WDR24: variants seen among roughly 807,000 people sequenced by gnomAD.
WDR24 encodes WD repeat domain 24.
WDR24 carries 32 observed loss-of-function variants against 66.7 expected under a neutral mutation model. The ratio of observed to expected loss-of-function variants is 0.48; its 90% confidence interval spans 0.36 to 0.64. The LOEUF (loss-of-function observed/expected upper bound fraction) is 0.64. Ranked by LOEUF, WDR24 falls within the 30% of genes least tolerant of loss-of-function variation. The pLI, the probability that WDR24 is intolerant of heterozygous loss-of-function variation, is 0.00. For missense variants in WDR24, 978 were observed against 1,144.1 expected (o/e 0.85, Z 2.09); for synonymous variants, 565 against 469.1 (o/e 1.20, Z -2.64).
In WDR24 at chr16:690,175, C is replaced by A; in HGVS notation, c.-535G>T. ...ACGCGGGAAGGGCCCAGAGGGACGT[C>A]AAGGACCGAGCTACTTAAGGAGCTC... On this transcript the variant is annotated 5_prime_UTR_variant, in exon 1 of 9. Coordinates refer to ENST00000293883, the MANE Select transcript of WDR24 (RefSeq NM_032259.4). The A allele has an allele frequency of 2.5e-6, 1 of 404,602 alleles. No homozygotes were observed. The highest frequency in any genetic ancestry group is 4.9e-6 in the Non-Finnish European group (1 of 203,196). The allele number at this position is 404,602 out of a possible 1,614,324, so 25.1% of individuals were successfully genotyped here.
At position 686,996 on chromosome 16, in the gene WDR24, C is replaced by G; in HGVS notation, c.1080G>C (p.Val360=). 1 of 1,601,172 alleles carries G rather than the reference C, an allele frequency of 6.2e-7. No homozygotes were observed. Among genetic ancestry groups the G allele is most frequent in the South Asian group, 1.1e-5 (1 of 90,414 alleles). ...AGGGCTTGCGCCCCGACTCGGCAGCCACGAGGCTCTCCTTGGCGGCGAAGG... is the reference window on the plus strand; with the variant it reads ...AGGGCTTGCGCCCCGACTCGGCAGCGACGAGGCTCTCCTTGGCGGCGAAGG... ...DLAFAAKESL[V]AAESGRKPYT... Residue 360 remains valine, a synonymous_variant, in exon 3 of 9, where the codon GTG becomes GTC. Transcript: ENST00000293883.
In WDR24 at chr16:685,413, G is replaced by C. The variant is rs757591355; in HGVS notation, c.1863C>G (p.His621Gln). ...GCGGCAGGCGGCTGTCGTAGAGCGC[G>C]TGTGAGACAGACAGGAGCGAGAAGG... Reference protein sequence around the residue: ...DSSFSLLSVSHALYDSRLPPD... With the variant: ...DSSFSLLSVSQALYDSRLPPD... Residue 621 changes from histidine (H) to glutamine (Q), a missense_variant, in exon 7 of 9, where the codon CAC becomes CAG. His to Gln is a conservative substitution (Grantham distance 24). Around this residue, in one of 2 missense-constraint regions of WDR24, gnomAD observed 676 missense variants for 617.5 expected, o/e 1.09. Coordinates refer to ENST00000293883, the MANE Select transcript of WDR24 (RefSeq NM_032259.4). 3 of 1,612,326 alleles carry C rather than the reference G, an allele frequency of 1.9e-6. No individual in the cohort carries two copies. Among genetic ancestry groups the C allele is most frequent in the Non-Finnish European group, 2.5e-6 (3 of 1,179,676 alleles).
At chr16:688,877 G>T (rs1227728045) in intron 1 of WDR24, 10 of 468,846 alleles carry the variant, frequency 2.1e-5, no homozygotes, top group Non-Finnish European at 2.7e-5. Context: ...TCACCACCCA[G>T]GCTGGCTGGG....
In WDR24 at chr16:689,275, C is replaced by T. The variant is rs758071564; in HGVS notation, c.366G>A (p.Thr122=). 1.6e-5 allele frequency: 26 copies of T among 1,613,834 alleles called. No individual in the cohort carries two copies. Among genetic ancestry groups the T allele is most frequent in the South Asian group, 2.2e-5 (2 of 91,090 alleles). Residue 122 remains threonine, a synonymous_variant, in exon 1 of 9, where the codon ACG becomes ACA. Coordinates refer to ENST00000293883, the MANE Select transcript of WDR24 (RefSeq NM_032259.4). ...QDQLFTEHKR[T]VNKVCFHPTE... is the part of the protein sequence containing the mutation. ...TGGGGTGGAAGCAGACTTTGTTTAC[C>T]GTGCGCTTGTGTTCTGTGAACAGCT...
chr16:686,039 C>A, intron 4 of WDR24, 29 bp downstream of exon 4: 1 of 1,612,798 alleles, frequency 6.2e-7, no homozygotes. Context: ...CAGCCCCAGC[C>A]CCTGGGGAGA....
In WDR24 at chr16:685,814, C is replaced by T. The variant is rs567052418; in HGVS notation, c.1574-31G>A. 70 of 1,613,006 alleles carry T rather than the reference C, an allele frequency of 4.3e-5. 1 individual carries two copies. In the South Asian group the frequency reaches 7.1e-4, roughly 16 times the overall value. On this transcript the variant is annotated intron_variant, in intron 5 of 8. Transcript: ENST00000293883. ...CGACAATGGGGCGGGCATTCAGGGT[C>T]GTCTGGGACACCCCCACCCCTCTCC...
chr16:687,693 G>A lies in WDR24; in HGVS notation c.528C>T (p.Tyr176=). Residue 176 remains tyrosine (Y), a synonymous_variant, in exon 2 of 9, where the codon TAC becomes TAT. Coordinates refer to ENST00000293883, the MANE Select transcript of WDR24 (RefSeq NM_032259.4). ...TCTCAAAGGTGGAGGCGAAGGTGAA[G>A]TAGTCCCGGATACTGAACTGCACGT... ...VRDVQFSIRD[Y]FTFASTFENG... is the part of the protein sequence containing the mutation. 1 of 1,613,652 alleles carries A rather than the reference G, an allele frequency of 6.2e-7. No individual in the cohort carries two copies. Among genetic ancestry groups the A allele is most frequent in the Non-Finnish European group, 8.5e-7 (1 of 1,180,002 alleles).
In WDR24 at chr16:685,764, G is replaced by A. The variant is rs769326858; in HGVS notation, c.1593C>T (p.Gly531=). 2 of 1,613,228 alleles carry A rather than the reference G, an allele frequency of 1.2e-6. No individual in the cohort carries two copies. The highest frequency in any genetic ancestry group is 1.7e-6 in the Non-Finnish European group (2 of 1,180,016). ...ITNEDNEETE[G]SDVPADYLLG... ...GCAGGTAGTCGGCAGGTACGTCGCT[G>A]CCCTCGGTTTCCTCGTTATCTGCCC... The change falls in exon 6 of 9, where the codon GGC becomes GGT. Residue 531 remains glycine, a synonymous_variant. Coordinates refer to ENST00000293883, the MANE Select transcript of WDR24 (RefSeq NM_032259.4).
intron 1 of WDR24, chr16:687,965 G>C (rs575968722): frequency 1.4e-6 from 1 of 690,314 alleles, no homozygotes; most frequent in Non-Finnish European, 2.6e-6. Context: ...ACATACTCCC[G>C]GGCGTCATTT....
At position 686,837 on chromosome 16, in the gene WDR24, C is replaced by T. The variant is rs921203779; in HGVS notation, c.1239G>A (p.Val413=). The T allele has an allele frequency of 6.2e-7, 1 of 1,611,910 alleles. No individual in the cohort carries two copies. Among genetic ancestry groups the T allele is most frequent in the South Asian group, 1.1e-5 (1 of 91,064 alleles). The change falls in exon 3 of 9, where the codon GTG becomes GTA. Residue 413 remains valine, a synonymous_variant. Coordinates refer to ENST00000293883, the MANE Select transcript of WDR24 (RefSeq NM_032259.4). ...EPGGGGMRWF[V]DTAERYALAG... is the part of the protein sequence containing the mutation. ...CCAGCGCATAACGCTCAGCTGTGTCCACAAACCAGCGCATGCCGCCGCCAC... is the reference window on the plus strand; with the variant it reads ...CCAGCGCATAACGCTCAGCTGTGTCTACAAACCAGCGCATGCCGCCGCCAC...
At position 690,132 on chromosome 16, in the gene WDR24, CG is replaced by C; in HGVS notation, c.-493del. The C allele has an allele frequency of 2.3e-6, 1 of 443,536 alleles. No homozygotes were observed. 27.5% of individuals were successfully genotyped at this position (443,536 alleles called of 1,614,324 possible). ...GAGGGAACAGAGGGCTAGAGGGGCCCGGGGACTCAGGCGATAGACGCGGGAA... is the reference window on the plus strand; with the variant it reads ...GAGGGAACAGAGGGCTAGAGGGGCCCGGGACTCAGGCGATAGACGCGGGAA... On this transcript the variant is annotated 5_prime_UTR_variant, in exon 1 of 9. Coordinates refer to ENST00000293883, the MANE Select transcript of WDR24 (RefSeq NM_032259.4).
chr16:689,875 G>C lies in WDR24; in HGVS notation c.-235C>G. 1.4e-6 allele frequency: 1 copy of C among 736,900 alleles called. No homozygotes were observed. The highest frequency in any genetic ancestry group is 2.4e-6 in the Non-Finnish European group (1 of 419,388). 45.6% of individuals were successfully genotyped at this position (736,900 alleles called of 1,614,324 possible). A position where few individuals can be genotyped will look rare whatever the true frequency, so the allele number is the denominator to read the frequency against. On this transcript the variant is annotated 5_prime_UTR_variant, in exon 1 of 9. Coordinates refer to ENST00000293883, the MANE Select transcript of WDR24 (RefSeq NM_032259.4). ...GTCCAGCCCATCACCCTGGCTGAGC[G>C]GTGAGGGGACTTCCTAGCTTCCCTT... is the stretch of plus-strand genomic sequence containing the variant.
Position 689,386 on chromosome 16 carries a change from C to T in WDR24, c.255G>A (p.Met85Ile). The change falls in exon 1 of 9, where the codon ATG becomes ATA. Residue 85 changes from methionine to isoleucine, a missense_variant. Physicochemically the swap from Met to Ile is conservative, Grantham distance 10. Coordinates refer to ENST00000293883, the MANE Select transcript of WDR24 (RefSeq NM_032259.4). ...LSCADVVWHQMDENLLATAAT... is the reference protein window; with the variant it reads ...LSCADVVWHQIDENLLATAAT... ...CTGCTGTGGCCAGCAGGTTCTCATC[C>T]ATCTGGTGCCAGACCACGTCAGCAC... The T allele has an allele frequency of 6.2e-7, 1 of 1,613,650 alleles. No homozygotes were observed. The highest frequency in any genetic ancestry group is 8.5e-7 in the Non-Finnish European group (1 of 1,180,022).
At position 690,335 on chromosome 16, in the gene WDR24, C is replaced by T. The variant is rs1350650110; in HGVS notation, c.-695G>A. The T allele has an allele frequency of 6.6e-6, 3 of 456,180 alleles. No homozygotes were observed. The highest frequency in any genetic ancestry group is 6.9e-5 in the East Asian group (1 of 14,392). The allele number at this position is 456,180 out of a possible 1,614,324, so 28.3% of individuals were successfully genotyped here. ...AGAGGGCCCGGGGCAGCCCTTCTCC[C>T]CCGCGCGAACCCCAATCTTTTACTA... is the stretch of plus-strand genomic sequence containing the variant. On this transcript the variant is annotated 5_prime_UTR_variant, in exon 1 of 9. Transcript: ENST00000293883.
chr16:689,904 C>A lies in WDR24; in HGVS notation c.-264G>T. 1.5e-6 allele frequency: 1 copy of A among 683,536 alleles called. No homozygotes were observed. The allele number at this position is 683,536 out of a possible 1,614,324, so 42.3% of individuals were successfully genotyped here. On this transcript the variant is annotated 5_prime_UTR_variant, in exon 1 of 9. Transcript: ENST00000293883. Reference sequence around the variant, plus strand: ...AGGGGACTTCCTAGCTTCCCTTAGGCCTGTCAGTTTCATGTCTGACTTCCA... The same window carrying A: ...AGGGGACTTCCTAGCTTCCCTTAGGACTGTCAGTTTCATGTCTGACTTCCA...
In WDR24 at chr16:685,140, G is replaced by A. The variant is rs779667150; in HGVS notation, c.2056C>T (p.Arg686Cys). The part of the protein sequence containing the change: ...WYTSYIDLLQ[R>C]FRLWNVSNEV... ...TTGGACACGTTCCAGAGGCGGAAGC[G>A]CTGCAGCAGGTCGATGTAGGAAGTG... The change falls in exon 8 of 9, where the codon CGC becomes TGC. Residue 686 changes from arginine (R) to cysteine (C), a missense_variant. By Grantham distance (180) the Arg-to-Cys change is radical. Coordinates refer to ENST00000293883, the MANE Select transcript of WDR24 (RefSeq NM_032259.4). 1.9e-6 allele frequency: 3 copies of A among 1,565,636 alleles called. No homozygotes were observed. The highest frequency in any genetic ancestry group is 1.2e-5 in the South Asian group (1 of 86,174).
rs1439751154 is a variant in WDR24 at position 689,563 on chromosome 16, A to G, written c.78T>C (p.Asp26=). 1 of 1,613,032 alleles carries G rather than the reference A, an allele frequency of 6.2e-7. No individual in the cohort carries two copies. The highest frequency in any genetic ancestry group is 8.5e-7 in the Non-Finnish European group (1 of 1,180,030). ...LTGRTMHCHL[D]APANAISVCR... ...ACACACTGATGGCATTGGCGGGAGC[A>G]TCCAGGTGGCAGTGCATGGTGCGGC... Residue 26 remains aspartate (D), a synonymous_variant, in exon 1 of 9, where the codon GAT becomes GAC. Coordinates refer to ENST00000293883, the MANE Select transcript of WDR24 (RefSeq NM_032259.4).
chr16:686,890 C>A lies in WDR24; in HGVS notation c.1186G>T (p.Ala396Ser). 6.2e-7 allele frequency: 1 copy of A among 1,609,332 alleles called. No individual in the cohort carries two copies. The highest frequency in any genetic ancestry group is 8.5e-7 in the Non-Finnish European group (1 of 1,179,594). ...AEPFAGLASS[A>S]LSVFETEPGG... The stretch of plus-strand genomic sequence containing the variant: ...GGCTCCGTCTCAAAGACACTGAGGG[C>A]ACTGGAGGCGAGGCCTGCGAAGGGC... The change falls in exon 3 of 9, where the codon GCC becomes TCC. Residue 396 changes from alanine to serine, a missense_variant. Physicochemically the swap from Ala to Ser is moderately conservative, Grantham distance 99. Transcript: ENST00000293883.
rs767830884 is a variant in WDR24, at chr16:687,066, C to T, written c.1010G>A (p.Arg337His). The T allele has an allele frequency of 6.4e-5, 103 of 1,605,642 alleles. No homozygotes were observed. Among genetic ancestry groups the T allele is most frequent in the Non-Finnish European group, 7.9e-5 (93 of 1,179,090 alleles). Residue 337 changes from arginine (R) to histidine (H), a missense_variant, in exon 3 of 9, where the codon CGC (arginine) becomes CAC (histidine). By Grantham distance (29) the Arg-to-His change is conservative (BLOSUM62 0). Transcript: ENST00000293883. ...LFRDASQPVE[R>H]ANPEGLCYGL... ...GTAGCAGAGGCCCTCAGGGTTGGCG[C>T]GCTCGACGGGCTGGCTGGCGTCGCG...
Sources: allele counts gnomAD v4.1 joint callset, GRCh38; gene constraint gnomAD v4.1.1; regional missense constraint gnomAD v4.1.1; transcripts MANE v1.5; gene names NCBI Gene and HGNC (gene_info 2026-07-23, HGNC 2026-07-21).